KPNA3: variants seen among roughly 807,000 people sequenced by gnomAD.
The protein encoded by KPNA3 is importin subunit alpha-4.
Under a neutral mutation model 73.8 loss-of-function variants are expected in KPNA3, and 13 were observed. The observed-to-expected ratio is 0.18, with a 90% CI of 0.11 to 0.28. KPNA3 has a LOEUF of 0.28. Ranked by LOEUF, KPNA3 falls within the 10% of genes least tolerant of loss-of-function variation. The pLI is 1.00. For missense variants in KPNA3, 360 were observed against 618.1 expected, an observed-to-expected ratio of 0.58 and a Z score of 4.43; for synonymous variants, 186 against 206.9, an observed-to-expected ratio of 0.90 and a Z score of 0.87.
At chr13:49,779,476 A>T (rs1384052413) in intron 1 of KPNA3, among the ~76,000 whole-genome samples, 2 of 152,032 alleles carry the variant, frequency 1.3e-5, no homozygotes, top group Admixed American at 1.3e-4. Context: ...CTGCTTCAAG[A>T]TCTCTCCACA....
At chr13:49,762,076 C>T (rs367990972) in intron 1 of KPNA3, among the ~76,000 whole-genome samples, 49 of 150,112 alleles carry the variant, frequency 3.3e-4, no homozygotes, top group South Asian at 1.7e-3. Context: ...GGAGCATCTC[C>T]GCCCGGCAGA....
At chr13:49,727,901 C>A (rs565359643) in intron 6 of KPNA3, among the ~76,000 whole-genome samples, 2 of 152,126 alleles carry the variant, frequency 1.3e-5, no homozygotes, top group South Asian at 4.1e-4. Context: ...AAAATGCCCC[C>A]AAAGAAATCA....
At chr13:49,759,004 A>G (rs968589257) in intron 1 of KPNA3, among the ~76,000 whole-genome samples, 1 of 152,204 alleles carries the variant, frequency 6.6e-6, no homozygotes, top group Non-Finnish European at 1.5e-5. Context: ...AATATCAAAG[A>G]TATTTACGAG....
intron 6 of KPNA3, among the ~76,000 whole-genome samples, chr13:49,726,949 T>C (rs1954415803): frequency 1.3e-5 from 2 of 151,584 alleles, no homozygotes; most frequent in Non-Finnish European, 2.9e-5. Flanking sequence ...TGAAACCCTG[T>C]CACAAAAAAG....
At chr13:49,760,301 A>G (rs115557680) in intron 1 of KPNA3, among the ~76,000 whole-genome samples, 3,057 of 151,712 alleles carry the variant, frequency 0.02, 42 homozygotes, top group South Asian at 0.031. Flanking sequence ...TGTGATTCCA[A>G]CTACCCAGGA....
intron 12 of KPNA3, among the ~76,000 whole-genome samples, chr13:49,708,421 T>C (rs2137533438): frequency 6.6e-6 from 1 of 152,310 alleles, no homozygotes; most frequent in Admixed American, 6.5e-5. Context: ...GTAACACTGC[T>C]GGTGGGAATG....
chr13:49,752,693 G>T (rs927609119), intron 1 of KPNA3, among the ~76,000 whole-genome samples: 2 of 152,010 alleles, frequency 1.3e-5, no homozygotes, highest in Admixed American at 1.3e-4. Context: ...AAGAGAAACA[G>T]AATATGTAAA....
intron 1 of KPNA3, among the ~76,000 whole-genome samples, chr13:49,751,172 T>C (rs1954659692): frequency 6.6e-6 from 1 of 152,170 alleles, no homozygotes; most frequent in Non-Finnish European, 1.5e-5. Context: ...AAAACTAATA[T>C]ACTTGTTCCC....
chr13:49,709,316 G>A (rs966098382), intron 12 of KPNA3, among the ~76,000 whole-genome samples: 6 of 150,176 alleles, frequency 4.0e-5, no homozygotes, highest in Non-Finnish European at 5.9e-5. Context: ...CAGGAGAATC[G>A]CTTGAACCCA....
intron 7 of KPNA3, 51 bp downstream of exon 7, chr13:49,725,365 C>A: frequency 9.7e-7 from 1 of 1,030,066 alleles, no homozygotes; most frequent in Non-Finnish European, 1.4e-6. Context: ...AACTCTACTT[C>A]CTTGCCATCA....
chr13:49,784,495 C>T (rs941958791), intron 1 of KPNA3, among the ~76,000 whole-genome samples: 4 of 152,072 alleles, frequency 2.6e-5, no homozygotes, highest in East Asian at 1.9e-4. Flanking sequence ...TGGGAGACAA[C>T]AGACTAAAGT....
intron 2 of KPNA3, among the ~76,000 whole-genome samples, chr13:49,741,922 T>C (rs1189373249): frequency 6.6e-6 from 1 of 152,240 alleles, no homozygotes; most frequent in Non-Finnish European, 1.5e-5. Context: ...TCTATTTTTG[T>C]TTTGTTGGCT....
intron 1 of KPNA3, among the ~76,000 whole-genome samples, chr13:49,784,106 G>A (rs1954962024): frequency 6.6e-6 from 1 of 152,080 alleles, no homozygotes; most frequent in Non-Finnish European, 1.5e-5. Flanking sequence ...TAAATAAGCT[G>A]GACATGGTAG....
At chr13:49,750,329 G>A (rs1278249828) in intron 1 of KPNA3, among the ~76,000 whole-genome samples, 1 of 152,148 alleles carries the variant, frequency 6.6e-6, no homozygotes, top group Admixed American at 6.5e-5. Flanking sequence ...GCCCTCAAAT[G>A]CTAAAATATT....
chr13:49,734,564 T>C (rs984106867), intron 2 of KPNA3, among the ~76,000 whole-genome samples: 1 of 152,212 alleles, frequency 6.6e-6, no homozygotes, highest in Non-Finnish European at 1.5e-5. Flanking sequence ...GTTATTTAAG[T>C]GTTTAAACTG....
At chr13:49,705,911 T>C in intron 14 of KPNA3, 128 bp from the exon 15 acceptor site, 1 of 1,005,946 alleles carries the variant, frequency 9.9e-7, no homozygotes, top group Non-Finnish European at 1.4e-6. Flanking sequence ...TGTAGTGCGT[T>C]ATGGTCATGC....
chr13:49,722,848 AAAAAG>A (rs1954372851), intron 7 of KPNA3, among the ~76,000 whole-genome samples: 1 of 150,980 alleles, frequency 6.6e-6, no homozygotes, highest in Non-Finnish European at 1.5e-5. Context: ...AAAAAAAAAA[AAAAAG>A]AGTTCCTACC....
chr13:49,772,378 T>C (rs1053153815), intron 1 of KPNA3, among the ~76,000 whole-genome samples: 10 of 152,160 alleles, frequency 6.6e-5, no homozygotes, highest in Admixed American at 3.9e-4. Context: ...CTCTACACAC[T>C]TGGTAAAATA....
Position 49,792,574 on chromosome 13 carries a change from G to A in KPNA3, c.-68C>T. The A allele has an allele frequency of 2.1e-6, 2 of 961,330 alleles. No individual in the cohort carries two copies. Among genetic ancestry groups the A allele is most frequent in the Admixed American group, 2.0e-5 (1 of 49,654 alleles). The allele number at this position is 961,330 out of a possible 1,614,324, so 59.6% of individuals were successfully genotyped here. On this transcript the variant is annotated 5_prime_UTR_variant, in exon 1 of 17. Transcript: ENST00000261667. Reference sequence around the variant, plus strand: ...CGGCGGCGGCGGCGAATCTTGGAGCGGGAGGGGGAGGAGGGGGAGAGCGGG... The same window carrying A: ...CGGCGGCGGCGGCGAATCTTGGAGCAGGAGGGGGAGGAGGGGGAGAGCGGG...
Sources: gnomAD v4.1 joint callset for allele counts (sites outside exome capture counted in the v4.1 genomes callset) on GRCh38, gnomAD v4.1.1 for gene constraint, MANE v1.5 for transcripts, NCBI Gene and HGNC (gene_info 2026-07-23, HGNC 2026-07-21) for gene names.